SERTAD2: variants seen among roughly 807,000 people sequenced by gnomAD.
The protein encoded by SERTAD2 is SERTA domain containing 2.
SERTAD2 carries 2 observed loss-of-function variants against 15.4 expected under a neutral mutation model. The ratio of observed to expected loss-of-function variants is 0.13; its 90% confidence interval spans 0.05 to 0.41. The LOEUF is 0.41. SERTAD2 is among the 10% of genes least tolerant of loss of function. The pLI, the probability that SERTAD2 is intolerant of heterozygous loss-of-function variation, is 0.99. For missense variants in SERTAD2, 333 were observed against 409.7 expected, an observed-to-expected ratio of 0.81 and a Z score of 1.62; for synonymous variants, 180 against 178.0, an observed-to-expected ratio of 1.01 and a Z score of -0.09.
intron 1 of SERTAD2, among the ~76,000 whole-genome samples, chr2:64,645,339 A>G (rs1338582266): frequency 6.6e-6 from 1 of 152,180 alleles, no homozygotes; most frequent in African/African-American, 2.4e-5. Context: ...CATTTGACGA[A>G]GACCTGCAGG....
chr2:64,650,425 G>C (rs1423311123), intron 1 of SERTAD2, among the ~76,000 whole-genome samples: 23 of 151,778 alleles, frequency 1.5e-4, no homozygotes, highest in Admixed American at 1.5e-3. Flanking sequence ...TTATTGGGCT[G>C]ACATATGCCA....
intron 1 of SERTAD2, among the ~76,000 whole-genome samples, chr2:64,647,349 G>A (rs1213050709): frequency 6.6e-6 from 1 of 152,066 alleles, no homozygotes; most frequent in African/African-American, 2.4e-5. Context: ...TATGTTTTTA[G>A]CATTTTGAGT....
intron 1 of SERTAD2, among the ~76,000 whole-genome samples, chr2:64,637,249 C>T (rs1475381959): frequency 1.3e-5 from 2 of 152,254 alleles, no homozygotes; most frequent in East Asian, 1.9e-4. Context: ...CCCTCCCCCA[C>T]GTAGATTTAT....
intron 1 of SERTAD2, among the ~76,000 whole-genome samples, chr2:64,638,130 G>A (rs1674698941): frequency 6.6e-6 from 1 of 152,160 alleles, no homozygotes; most frequent in Admixed American, 6.5e-5. Context: ...CACTCTCAGG[G>A]ACTCCTGCTA....
intron 1 of SERTAD2, among the ~76,000 whole-genome samples, chr2:64,641,526 C>T (rs1371782934): frequency 2.0e-5 from 3 of 152,190 alleles, no homozygotes; most frequent in Admixed American, 6.5e-5. Context: ...GTACCCTCAG[C>T]ATAAGGTAGT....
At chr2:64,649,958 G>C (rs190909679) in intron 1 of SERTAD2, among the ~76,000 whole-genome samples, 1 of 152,202 alleles carries the variant, frequency 6.6e-6, no homozygotes, top group East Asian at 1.9e-4. Context: ...AGAATAGGCC[G>C]GCCAGGAGCA....
chr2:64,645,201 T>G (rs983336572), intron 1 of SERTAD2, among the ~76,000 whole-genome samples: 11 of 152,290 alleles, frequency 7.2e-5, no homozygotes, highest in African/African-American at 2.4e-4. Context: ...TCCAGCGATA[T>G]TCTGAACCTG....
rs1372056275 is a variant in SERTAD2 at position 64,634,944 on chromosome 2, T to A, written c.*983A>T. ...CAAAAGAGGGAGCAAAAGAGAACCA[T>A]CACTTAAACCCCCAGCTCCACAGCC... On this transcript the variant is annotated 3_prime_UTR_variant, in exon 2 of 2. Coordinates refer to ENST00000313349, the MANE Select transcript of SERTAD2 (RefSeq NM_014755.3). The A allele has an allele frequency of 2.6e-5, 4 of 152,650 alleles. No individual in the cohort carries two copies. The highest frequency in any genetic ancestry group is 5.9e-5 in the Non-Finnish European group (4 of 68,046). 9.5% of individuals were successfully genotyped at this position (152,650 alleles called of 1,614,324 possible).
chr2:64,636,208 T>C lies in SERTAD2; in HGVS notation c.664A>G (p.Met222Val). 1 of 1,614,170 alleles carries C rather than the reference T, an allele frequency of 6.2e-7. No homozygotes were observed. The highest frequency in any genetic ancestry group is 8.5e-7 in the Non-Finnish European group (1 of 1,180,032). The change falls in exon 2 of 2, where the codon ATG (methionine) becomes GTG (valine). Residue 222 changes from methionine (M) to valine (V), a missense_variant. Transcript: ENST00000313349. The stretch of plus-strand genomic sequence containing the variant: ...TCAAAATTCCCAGGCAGAGAGTCCA[T>C]CAGTTTTGAGTCATCTGCGCGGCTC... ...QESRADDSKL[M>V]DSLPGNFEIT...
chr2:64,637,233 C>T (rs535806471), intron 1 of SERTAD2, among the ~76,000 whole-genome samples: 48 of 152,318 alleles, frequency 3.2e-4, no homozygotes, highest in Admixed American at 1.4e-3. Context: ...CATGCAGGTT[C>T]GATTTCCCTC....
At chr2:64,640,695 C>T (rs1674756752) in intron 1 of SERTAD2, among the ~76,000 whole-genome samples, 1 of 152,068 alleles carries the variant, frequency 6.6e-6, no homozygotes, top group South Asian at 2.1e-4. Context: ...CATTGGCTTC[C>T]TAGGTCACCC....
Position 64,636,614 on chromosome 2 carries a change from G to T in SERTAD2, c.258C>A (p.Phe86Leu). Residue 86 changes from phenylalanine to leucine, a missense_variant, in exon 2 of 2, where the codon TTC becomes TTA. Coordinates refer to ENST00000313349, the MANE Select transcript of SERTAD2 (RefSeq NM_014755.3). ...CGGTGGTGGGCTGGGAGGAGGGGGT[G>T]AACATGGGCCTCAGGCTGCCTTCCT... ...LKQEGSLRPM[F>L]TPSSQPTTEP... 6.2e-7 allele frequency: 1 copy of T among 1,611,662 alleles called. No homozygotes were observed. The highest frequency in any genetic ancestry group is 8.5e-7 in the Non-Finnish European group (1 of 1,178,250).
rs926468634 is a variant in SERTAD2, at chr2:64,635,736, G to A, written c.*191C>T. 1.9e-5 allele frequency: 11 copies of A among 572,838 alleles called. No homozygotes were observed. The highest frequency in any genetic ancestry group is 1.9e-4 in the African/African-American group (10 of 53,498). 35.5% of individuals were successfully genotyped at this position (572,838 alleles called of 1,614,324 possible). A position where few individuals can be genotyped will look rare whatever the true frequency, so the allele number is the denominator to read the frequency against. ...TCTCTGAGGAACCACTCAAAAAAGTGTATTAAAAGTGGTCATACTTGGATG... is the reference window on the plus strand; with the variant it reads ...TCTCTGAGGAACCACTCAAAAAAGTATATTAAAAGTGGTCATACTTGGATG... On this transcript the variant is annotated 3_prime_UTR_variant, in exon 2 of 2. Coordinates refer to ENST00000313349, the MANE Select transcript of SERTAD2 (RefSeq NM_014755.3).
chr2:64,647,682 A>G (rs1349273337), intron 1 of SERTAD2, among the ~76,000 whole-genome samples: 1 of 152,008 alleles, frequency 6.6e-6, no homozygotes, highest in East Asian at 1.9e-4. Flanking sequence ...GTTTAAAAAA[A>G]AAAAAAAAGA....
chr2:64,642,816 C>CA, intron 1 of SERTAD2, among the ~76,000 whole-genome samples: 1 of 152,126 alleles, frequency 6.6e-6, no homozygotes, highest in East Asian at 1.9e-4. Flanking sequence ...CTGTGCCAGT[C>CA]AAAAAAAGAT....
intron 1 of SERTAD2, among the ~76,000 whole-genome samples, chr2:64,645,894 T>C (rs1674890858): frequency 6.6e-6 from 1 of 152,202 alleles, no homozygotes; most frequent in African/African-American, 2.4e-5. Context: ...ATGCTGCCAA[T>C]TGTTTTATTT....
chr2:64,634,245 GAA>G lies in SERTAD2; in HGVS notation c.*1680_*1681del, dbSNP rs1674603253. ...CAGCTAAAGTACCATTGGAAGAAAA[GAA>G]AAAACTGAAACAAGAAGGCCATAAA... is the stretch of plus-strand genomic sequence containing the variant. On this transcript the variant is annotated 3_prime_UTR_variant, in exon 2 of 2. Coordinates refer to ENST00000313349, the MANE Select transcript of SERTAD2 (RefSeq NM_014755.3). 1 of 151,978 alleles carries G rather than the reference GAA, an allele frequency of 6.6e-6. No individual in the cohort carries two copies. The highest frequency in any genetic ancestry group is 2.4e-5 in the African/African-American group (1 of 41,368). The allele number at this position is 151,978 out of a possible 1,614,324, so 9.4% of individuals were successfully genotyped here. A position where few individuals can be genotyped will look rare whatever the true frequency, so the allele number is the denominator to read the frequency against.
chr2:64,635,813 A>AT lies in SERTAD2; in HGVS notation c.*113dup. ...AAAACTAGTGTGATCCTGTTGTAAA[A>AT]TTTTCTTTTTCTCTGAAAAAGGCAA... On this transcript the variant is annotated 3_prime_UTR_variant, in exon 2 of 2. Coordinates refer to ENST00000313349, the MANE Select transcript of SERTAD2 (RefSeq NM_014755.3). The AT allele has an allele frequency of 1.5e-5, 12 of 821,222 alleles. No homozygotes were observed. In the South Asian group the frequency reaches 2.1e-4, roughly 15 times the overall value. 50.9% of individuals were successfully genotyped at this position (821,222 alleles called of 1,614,324 possible).
At position 64,635,873 on chromosome 2, in the gene SERTAD2, G is replaced by T; in HGVS notation, c.*54C>A. 1 of 1,379,154 alleles carries T rather than the reference G, an allele frequency of 7.3e-7. No homozygotes were observed. Among genetic ancestry groups the T allele is most frequent in the Non-Finnish European group, 1.0e-6 (1 of 980,580 alleles). The allele number at this position is 1,379,154 out of a possible 1,614,324, so 85.4% of individuals were successfully genotyped here. On this transcript the variant is annotated 3_prime_UTR_variant, in exon 2 of 2. Transcript: ENST00000313349. ...CATGCACAGTGTGGAGAACTGTCAGGGTTATGGGAACGCTCTGGGGTCTGG... is the reference window on the plus strand; with the variant it reads ...CATGCACAGTGTGGAGAACTGTCAGTGTTATGGGAACGCTCTGGGGTCTGG...
Sources: gnomAD v4.1 joint callset for allele counts (sites outside exome capture counted in the v4.1 genomes callset) on GRCh38, gnomAD v4.1.1 for gene constraint, MANE v1.5 for transcripts, NCBI Gene and HGNC (gene_info 2026-07-23, HGNC 2026-07-21) for gene names.